XPNPEP3: variants seen among roughly 807,000 people sequenced by gnomAD.
The protein encoded by XPNPEP3 is xaa-Pro aminopeptidase 3.
Under a neutral mutation model 60.0 loss-of-function variants are expected in XPNPEP3, and 41 were observed. That is an observed-to-expected ratio of 0.68 (90% CI 0.53 to 0.89). The LOEUF (loss-of-function observed/expected upper bound fraction) is 0.89. XPNPEP3 is among the 40% of genes least tolerant of loss of function. The pLI is 0.00. For missense variants in XPNPEP3, 598 were observed against 638.9 expected, an observed-to-expected ratio of 0.94 and a Z score of 0.69; for synonymous variants, 212 against 223.2, an observed-to-expected ratio of 0.95 and a Z score of 0.45.
intron 7 of XPNPEP3, among the ~76,000 whole-genome samples, chr22:40,915,672 T>C (rs1015696966): frequency 2.6e-5 from 4 of 152,050 alleles, no homozygotes; most frequent in Non-Finnish European, 5.9e-5. Context: ...TGATTTAAGA[T>C]ATCAAATGAT....
intron 4 of XPNPEP3, among the ~76,000 whole-genome samples, chr22:40,899,383 C>G (rs1302475099): frequency 6.6e-6 from 1 of 152,152 alleles, no homozygotes; most frequent in East Asian, 1.9e-4. Flanking sequence ...GAATTCCCTC[C>G]CAATCCATTT....
intron 4 of XPNPEP3, among the ~76,000 whole-genome samples, chr22:40,905,963 T>C (rs2058153547): frequency 6.6e-6 from 1 of 152,056 alleles, no homozygotes; most frequent in African/African-American, 2.4e-5. Context: ...AGCTGATTTT[T>C]TGTATTTTTA....
intron 2 of XPNPEP3, among the ~76,000 whole-genome samples, chr22:40,871,737 G>C (rs898719615): frequency 6.6e-6 from 1 of 152,034 alleles, no homozygotes; most frequent in Non-Finnish European, 1.5e-5. Context: ...TAAATTCTTA[G>C]AAGTGAAATT....
chr22:40,896,174 C>G (rs957758637), intron 4 of XPNPEP3, among the ~76,000 whole-genome samples: 1 of 152,058 alleles, frequency 6.6e-6, no homozygotes, highest in Non-Finnish European at 1.5e-5. Flanking sequence ...CTGTAAAATT[C>G]TATCAGGGTT....
At position 40,881,926 on chromosome 22, in the gene XPNPEP3, A is replaced by C; in HGVS notation, c.338A>C (p.Tyr113Ser). Reference protein sequence around the residue: ...PTYYMSNDIPYTFHQDNNFLY... With the variant: ...PTYYMSNDIPSTFHQDNNFLY... Reference sequence around the variant, plus strand: ...TACTACATGAGCAACGATATTCCCTATACTTTCCACCAAGACAACAATTTC... The same window carrying C: ...TACTACATGAGCAACGATATTCCCTCTACTTTCCACCAAGACAACAATTTC... Residue 113 changes from tyrosine (Y) to serine (S), a missense_variant, in exon 3 of 10, where the codon TAT (tyrosine) becomes TCT (serine). Transcript: ENST00000357137. The C allele has an allele frequency of 6.2e-7, 1 of 1,614,146 alleles. No individual in the cohort carries two copies. The highest frequency in any genetic ancestry group is 1.1e-5 in the South Asian group (1 of 91,072).
chr22:40,879,397 A>G (rs1283557296), intron 2 of XPNPEP3, among the ~76,000 whole-genome samples: 2 of 152,204 alleles, frequency 1.3e-5, no homozygotes, highest in Non-Finnish European at 2.9e-5. Context: ...GAGATAAACT[A>G]TATATAGGTA....
Position 40,930,156 on chromosome 22 carries a change from G to A in XPNPEP3, c.*3721G>A, listed in dbSNP as rs1443740561. ...TTGTTTTTTTTTTTTTTGAGATGGA[G>A]TCTCGCTCTGTCACCCAGGCTGGAG... On this transcript the variant is annotated 3_prime_UTR_variant, in exon 10 of 10. Transcript: ENST00000357137. 1.4e-5 allele frequency: 2 copies of A among 144,272 alleles called. No individual in the cohort carries two copies. Among genetic ancestry groups the A allele is most frequent in the Non-Finnish European group, 1.5e-5 (1 of 66,760 alleles). 8.9% of individuals were successfully genotyped at this position (144,272 alleles called of 1,614,324 possible).
intron 9 of XPNPEP3, among the ~76,000 whole-genome samples, chr22:40,925,976 C>T (rs922517481): frequency 6.6e-6 from 1 of 152,166 alleles, no homozygotes; most frequent in Non-Finnish European, 1.5e-5. Flanking sequence ...GCTTGAGCCA[C>T]TAGAATATGA....
At chr22:40,861,060 T>G in intron 1 of XPNPEP3, 1 of 1,570,784 alleles carries the variant, frequency 6.4e-7, no homozygotes. Context: ...ATTTGAAGAG[T>G]CAATTTAACA....
intron 7 of XPNPEP3, among the ~76,000 whole-genome samples, chr22:40,920,901 T>A (rs1259843860): frequency 6.6e-6 from 1 of 152,230 alleles, no homozygotes; most frequent in African/African-American, 2.4e-5. Flanking sequence ...CAAGCGATTC[T>A]TCTGCCTCAG....
intron 1 of XPNPEP3, chr22:40,861,477 G>A (rs1487049682): frequency 1.9e-6 from 3 of 1,614,032 alleles, no homozygotes; most frequent in Non-Finnish European, 2.5e-6. Flanking sequence ...AAAAGCCAGG[G>A]AAGAGAAAGA....
intron 4 of XPNPEP3, among the ~76,000 whole-genome samples, chr22:40,902,100 T>A (rs2058135844): frequency 7.0e-6 from 1 of 142,436 alleles, no homozygotes; most frequent in African/African-American, 2.8e-5. Flanking sequence ...TGAGATGGAG[T>A]CTCGCTCTGT....
intron 4 of XPNPEP3, among the ~76,000 whole-genome samples, chr22:40,901,083 CCT>C (rs1300052983): frequency 6.6e-6 from 1 of 151,454 alleles, no homozygotes; most frequent in African/African-American, 2.4e-5. Flanking sequence ...AGTGAGACCT[CCT>C]CTCTTTTTAT....
At position 40,895,447 on chromosome 22, in the gene XPNPEP3, G is replaced by T. The variant is rs868583102; in HGVS notation, c.792+8932G>T. On this transcript the variant is annotated intron_variant, in intron 4 of 9. Coordinates refer to ENST00000357137, the MANE Select transcript of XPNPEP3 (RefSeq NM_022098.4). ...GCTTCCCGGGTTCAAGTGATTCTCT[G>T]CCTCAGCCTCCCAAGTAGCTGGGAT... Among the ~76,000 whole-genome samples, 11 of 151,392 alleles carry T rather than the reference G, an allele frequency of 7.3e-5. No individual in the cohort carries two copies. The Middle Eastern group carries it at 0.01, about 141-fold the overall frequency.
At chr22:40,891,829 G>T (rs1266324050) in intron 4 of XPNPEP3, among the ~76,000 whole-genome samples, 3 of 152,174 alleles carry the variant, frequency 2.0e-5, no homozygotes, top group Non-Finnish European at 4.4e-5. Context: ...TGTTGGAGCT[G>T]TTAAAAAGCA....
Position 40,931,319 on chromosome 22 carries a change from T to C in XPNPEP3, c.*4884T>C, listed in dbSNP as rs985640681. ...TAAATGAAGGAAACATATCTGGATA[T>C]CCAGTGTCACATACTTTTATGTATT... On this transcript the variant is annotated 3_prime_UTR_variant, in exon 10 of 10. Transcript: ENST00000357137. The C allele has an allele frequency of 1.3e-5, 2 of 152,206 alleles. No homozygotes were observed. Among genetic ancestry groups the C allele is most frequent in the African/African-American group, 2.4e-5 (1 of 41,444 alleles). The allele number at this position is 152,206 out of a possible 1,614,324, so 9.4% of individuals were successfully genotyped here. A position where few individuals can be genotyped will look rare whatever the true frequency, so the allele number is the denominator to read the frequency against.
intron 8 of XPNPEP3, among the ~76,000 whole-genome samples, 174 bp from the exon 9 acceptor site, chr22:40,924,188 T>C (rs922297880): frequency 3.3e-5 from 5 of 152,262 alleles, no homozygotes; most frequent in African/African-American, 1.2e-4. Flanking sequence ...CAGAATTGCA[T>C]GTAAGAGGTC....
intron 3 of XPNPEP3, among the ~76,000 whole-genome samples, chr22:40,885,921 G>T (rs1011931120): frequency 6.6e-6 from 1 of 152,162 alleles, no homozygotes; most frequent in African/African-American, 2.4e-5. Flanking sequence ...GGCGGAGGTT[G>T]CAGTGAGCTG....
At chr22:40,882,347 T>G (rs1252233698) in intron 3 of XPNPEP3, among the ~76,000 whole-genome samples, 170 bp downstream of exon 3, 1 of 152,046 alleles carries the variant, frequency 6.6e-6, no homozygotes, top group Non-Finnish European at 1.5e-5. Context: ...CTTTAAAGAT[T>G]TCATTTATGC....
Sources: gnomAD v4.1 joint callset for allele counts (sites outside exome capture counted in the v4.1 genomes callset) on GRCh38, gnomAD v4.1.1 for gene constraint, MANE v1.5 for transcripts, NCBI Gene and HGNC (gene_info 2026-07-23, HGNC 2026-07-21) for gene names.